LARGE1: variants seen among roughly 807,000 people sequenced by gnomAD.
The protein encoded by LARGE1 is xylosyl- and glucuronyltransferase LARGE1.
LARGE1 carries 43 observed loss-of-function variants against 87.6 expected under a neutral mutation model. That is an observed-to-expected ratio of 0.49 (90% CI 0.38 to 0.63). LARGE1 has a LOEUF of 0.63. Among genes scored for constraint, LARGE1 ranks in the 30% least tolerant of loss-of-function variants. The pLI is 0.00. For missense variants in LARGE1, 802 were observed against 1,000.2 expected, an observed-to-expected ratio of 0.80 and a Z score of 2.67; for synonymous variants, 434 against 394.6, an observed-to-expected ratio of 1.10 and a Z score of -1.18.
At chr22:33,219,464 C>G (rs376841125) in intron 11 of LARGE1, among the ~76,000 whole-genome samples, 1 of 152,162 alleles carries the variant, frequency 6.6e-6, no homozygotes, top group East Asian at 1.9e-4. Flanking sequence ...ACCTGGTGTA[C>G]GCTAAATATT....
rs2078230743 is a variant in LARGE1, at chr22:33,572,326, G to A, written c.616-7307C>T. ...ATAATTGTTAAGAAACAGAAGTGGG[G>A]CGGGGCTTGAGATGCTGGGACAGAG... On this transcript the variant is annotated intron_variant, in intron 5 of 14. Coordinates refer to ENST00000397394, the MANE Select transcript of LARGE1 (RefSeq NM_133642.5). The A allele has an allele frequency of 6.2e-6, 3 of 486,318 alleles. No homozygotes were observed. The South Asian group carries it at 7.3e-5, about 12-fold the overall frequency. The allele number at this position is 486,318 out of a possible 1,614,324, so 30.1% of individuals were successfully genotyped here.
At chr22:33,706,288 C>T (rs953145588) in intron 2 of LARGE1, among the ~76,000 whole-genome samples, 8 of 152,198 alleles carry the variant, frequency 5.3e-5, no homozygotes, top group Admixed American at 3.3e-4. Flanking sequence ...GCCCACACCC[C>T]CACACAAGCC....
At chr22:33,427,736 A>G (rs1054088227) in intron 7 of LARGE1, among the ~76,000 whole-genome samples, 1 of 152,236 alleles carries the variant, frequency 6.6e-6, no homozygotes, top group Non-Finnish European at 1.5e-5. Context: ...ACTTTGGTTT[A>G]CCCCAGGCAC....
chr22:33,135,575 C>G, the LARGE1 span, among the ~76,000 whole-genome samples: 4 of 152,194 alleles, frequency 2.6e-5, no homozygotes, highest in African/African-American at 7.2e-5. Context: ...CACAGTGGCT[C>G]ATGCCTGTAA....
intron 11 of LARGE1, among the ~76,000 whole-genome samples, chr22:33,223,017 CT>C (rs1925535025): frequency 6.6e-6 from 1 of 152,154 alleles, no homozygotes; most frequent in African/African-American, 2.4e-5. Flanking sequence ...GAGCCTGCCC[CT>C]ATCAGGGGAG....
At chr22:33,073,073 C>T in the LARGE1 span, among the ~76,000 whole-genome samples, 1 of 152,198 alleles carries the variant, frequency 6.6e-6, no homozygotes, top group Non-Finnish European at 1.5e-5. Flanking sequence ...TGTCAACTCT[C>T]ATCCAATTTA....
intron 5 of LARGE1, among the ~76,000 whole-genome samples, chr22:33,589,366 A>G (rs943057076): frequency 1.3e-5 from 2 of 152,086 alleles, no homozygotes; most frequent in African/African-American, 4.8e-5. Context: ...GATTTTGATT[A>G]CCATTTTGCA....
At chr22:33,562,599 C>T (rs1354137677) in intron 6 of LARGE1, among the ~76,000 whole-genome samples, 1 of 152,206 alleles carries the variant, frequency 6.6e-6, no homozygotes, top group Non-Finnish European at 1.5e-5. Context: ...TGCCTTGAAT[C>T]TGAGAGTCCT....
At chr22:33,645,371 G>A (rs2080575310) in intron 3 of LARGE1, among the ~76,000 whole-genome samples, 1 of 152,150 alleles carries the variant, frequency 6.6e-6, no homozygotes, top group Non-Finnish European at 1.5e-5. Flanking sequence ...AAATGGTGCT[G>A]GAAAAACTGG....
At chr22:33,332,720 G>A (rs185956804) in intron 10 of LARGE1, among the ~76,000 whole-genome samples, 1 of 152,208 alleles carries the variant, frequency 6.6e-6, no homozygotes, top group Admixed American at 6.5e-5. Flanking sequence ...CACTTGACGC[G>A]CTGCGGAAGA....
chr22:33,355,763 C>G lies in LARGE1; in HGVS notation c.1132-17962G>C, dbSNP rs929871043. 3.4e-5 allele frequency among the ~76,000 whole-genome samples: 2 copies of G among 59,240 alleles called. 1 individual carries two copies. Among genetic ancestry groups the G allele is most frequent in the Admixed American group, 3.3e-4 (2 of 6,152 alleles). 38.9% of individuals were successfully genotyped at this position (59,240 alleles called of 152,430 possible). A position where few individuals can be genotyped will look rare whatever the true frequency, so the allele number is the denominator to read the frequency against. On this transcript the variant is annotated intron_variant, in intron 9 of 14. Transcript: ENST00000397394. Reference sequence around the variant, plus strand: ...GGCTCTCAGTTAGTGGCTCAATGTCCATGGTCGCCAAATACTGCTTTACAA... The same window carrying G: ...GGCTCTCAGTTAGTGGCTCAATGTCGATGGTCGCCAAATACTGCTTTACAA...
chr22:33,116,950 A>C, the LARGE1 span, among the ~76,000 whole-genome samples: 1 of 152,212 alleles, frequency 6.6e-6, no homozygotes, highest in Non-Finnish European at 1.5e-5. Flanking sequence ...GGTCACAACT[A>C]ATCTTTGTAT....
At chr22:33,674,191 G>C (rs955314050) in intron 2 of LARGE1, among the ~76,000 whole-genome samples, 1 of 152,036 alleles carries the variant, frequency 6.6e-6, no homozygotes, top group African/African-American at 2.4e-5. Flanking sequence ...TGATCTACCT[G>C]CCTCGGCCTC....
chr22:33,445,190 C>G (rs533586244), intron 6 of LARGE1, among the ~76,000 whole-genome samples: 3 of 152,292 alleles, frequency 2.0e-5, no homozygotes, highest in Admixed American at 2.0e-4. Flanking sequence ...CATGTCTTAG[C>G]TTTACCTTAA....
At chr22:33,190,719 C>T (rs549985022) in intron 11 of LARGE1, among the ~76,000 whole-genome samples, 1 of 152,314 alleles carries the variant, frequency 6.6e-6, no homozygotes, top group Non-Finnish European at 1.5e-5. Context: ...ATATCTCCTT[C>T]TACTGCTCTT....
intron 6 of LARGE1, among the ~76,000 whole-genome samples, chr22:33,528,409 T>C (rs1374125567): frequency 6.6e-6 from 1 of 152,106 alleles, no homozygotes; most frequent in Non-Finnish European, 1.5e-5. Flanking sequence ...GGAGGAGTCA[T>C]GAATATTTAT....
chr22:33,115,659 TA>T, the LARGE1 span, among the ~76,000 whole-genome samples: 4 of 149,096 alleles, frequency 2.7e-5, no homozygotes, highest in African/African-American at 4.9e-5. Context: ...CTACTAAAAA[TA>T]AAAAAAAATT....
the LARGE1 span, among the ~76,000 whole-genome samples, chr22:33,072,814 C>T: frequency 1.3e-5 from 2 of 152,086 alleles, no homozygotes; most frequent in Non-Finnish European, 2.9e-5. Context: ...CAGGGCATAG[C>T]CTGAAGACCT....
At chr22:33,069,137 G>C in the LARGE1 span, among the ~76,000 whole-genome samples, 1 of 152,102 alleles carries the variant, frequency 6.6e-6, no homozygotes, top group Non-Finnish European at 1.5e-5. Flanking sequence ...CACTGTCTAT[G>C]TATGAGACTC....
Sources: gnomAD v4.1 joint callset for allele counts (sites outside exome capture counted in the v4.1 genomes callset) on GRCh38, gnomAD v4.1.1 for gene constraint, MANE v1.5 for transcripts, NCBI Gene and HGNC (gene_info 2026-07-23, HGNC 2026-07-21) for gene names.